The following MAP3K1 variants were observed in gnomAD, a reference collection of about 807,000 sequenced individuals.
MAP3K1 encodes MAP/ERK kinase kinase 1.
A neutral mutation model predicts 144.2 loss-of-function variants in MAP3K1; 36 were observed. The observed-to-expected ratio is 0.25, with a 90% CI of 0.19 to 0.33. MAP3K1 has a LOEUF of 0.33. Ranked by LOEUF, MAP3K1 falls within the 10% of genes least tolerant of loss-of-function variation. MAP3K1 has a pLI of 1.00. For missense variants in MAP3K1, 1,650 were observed against 1,881.9 expected, an observed-to-expected ratio of 0.88 and a Z score of 2.28; for synonymous variants, 718 against 688.7, an observed-to-expected ratio of 1.04 and a Z score of -0.67.
Position 56,883,523 on chromosome 5 carries a change from G to A in MAP3K1, c.3667-4G>A, listed in dbSNP as rs552563402. ...TAAAAAGATTGCTTTCGTTTAATATGTAGACACCAGAGACTCTACCAGGAC... is the reference window on the plus strand; with the variant it reads ...TAAAAAGATTGCTTTCGTTTAATATATAGACACCAGAGACTCTACCAGGAC... On this transcript the variant is annotated splice_polypyrimidine_tract_variant and splice_region_variant and intron_variant, in intron 14 of 19. Coordinates refer to ENST00000399503, the MANE Select transcript of MAP3K1 (RefSeq NM_005921.2). 6.8e-6 allele frequency: 11 copies of A among 1,613,732 alleles called. No individual in the cohort carries two copies. In the East Asian group the frequency reaches 1.6e-4, roughly 23 times the overall value.
intron 1 of MAP3K1, among the ~76,000 whole-genome samples, chr5:56,846,656 C>G (rs367808723): frequency 1.3e-5 from 2 of 152,178 alleles, no homozygotes; most frequent in African/African-American, 4.8e-5. Context: ...ATCTCCATGT[C>G]CCCCTCTCCG....
chr5:56,866,339 TC>T (rs1219497061), intron 6 of MAP3K1, among the ~76,000 whole-genome samples: 2 of 152,050 alleles, frequency 1.3e-5, no homozygotes, highest in African/African-American at 4.8e-5. Flanking sequence ...ACCCAGGAGT[TC>T]AAGTCTCCAG....
chr5:56,873,420 T>C (rs952200140), intron 9 of MAP3K1, among the ~76,000 whole-genome samples: 7 of 152,162 alleles, frequency 4.6e-5, no homozygotes, highest in Non-Finnish European at 8.8e-5. Flanking sequence ...ATACAATGGG[T>C]GCTTAATAAT....
At chr5:56,832,767 A>G (rs1346891722) in intron 1 of MAP3K1, among the ~76,000 whole-genome samples, 1 of 152,244 alleles carries the variant, frequency 6.6e-6, no homozygotes, top group Non-Finnish European at 1.5e-5. Context: ...CACATAGTGT[A>G]TTATGAAGTC....
At position 56,894,192 on chromosome 5, in the gene MAP3K1, A is replaced by G. The variant is rs1748634508; in HGVS notation, c.*512A>G. 1.2e-5 allele frequency: 3 copies of G among 243,494 alleles called. No homozygotes were observed. In the South Asian group the frequency reaches 4.4e-4, roughly 36 times the overall value. The allele number at this position is 243,494 out of a possible 1,614,324, so 15.1% of individuals were successfully genotyped here. On this transcript the variant is annotated 3_prime_UTR_variant, in exon 20 of 20. Coordinates refer to ENST00000399503, the MANE Select transcript of MAP3K1 (RefSeq NM_005921.2). ...CATACATATATTTTTAAAAGTTGAT[A>G]CTTCTTTATGACCCACAGTTGACCT...
chr5:56,846,173 A>G (rs1561175860), intron 1 of MAP3K1, among the ~76,000 whole-genome samples: 1 of 152,240 alleles, frequency 6.6e-6, no homozygotes. Context: ...ATGATGAATC[A>G]TACAGAATCA....
chr5:56,830,910 GGATT>G (rs929243700), intron 1 of MAP3K1, among the ~76,000 whole-genome samples: 87 of 149,406 alleles, frequency 5.8e-4, no homozygotes, highest in South Asian at 2.5e-3. Context: ...ACCTAGTCTA[GGATT>G]GATTTTTTTT....
chr5:56,837,762 A>C (rs906549903), intron 1 of MAP3K1, among the ~76,000 whole-genome samples: 1 of 152,202 alleles, frequency 6.6e-6, no homozygotes, highest in African/African-American at 2.4e-5. Flanking sequence ...TAAGCTTGAG[A>C]CCCATTTCCG....
At chr5:56,841,213 A>AAC (rs1288712322) in intron 1 of MAP3K1, among the ~76,000 whole-genome samples, 1 of 152,090 alleles carries the variant, frequency 6.6e-6, no homozygotes, top group South Asian at 2.1e-4. Flanking sequence ...AAAAAAAAAA[A>AAC]AAACTAGACA....
intron 1 of MAP3K1, among the ~76,000 whole-genome samples, chr5:56,851,651 T>C (rs1747177305): frequency 6.6e-6 from 1 of 152,240 alleles, no homozygotes; most frequent in African/African-American, 2.4e-5. Flanking sequence ...AGTAACACTA[T>C]TTGTGTGTTT....
At chr5:56,871,724 T>C (rs1210746037) in intron 6 of MAP3K1, among the ~76,000 whole-genome samples, 186 bp from the exon 7 acceptor site, 3 of 152,208 alleles carry the variant, frequency 2.0e-5, no homozygotes, top group African/African-American at 7.2e-5. Flanking sequence ...CTATAAATAC[T>C]CGTGTGTTAA....
At chr5:56,844,432 GC>G in intron 1 of MAP3K1, among the ~76,000 whole-genome samples, 1 of 152,120 alleles carries the variant, frequency 6.6e-6, no homozygotes, top group South Asian at 2.1e-4. Context: ...GCCCGCCTTG[GC>G]CTCCCAAAGT....
In MAP3K1 at chr5:56,882,162, T is replaced by A. The variant is rs745800039; in HGVS notation, c.2962T>A (p.Ser988Thr). ...LMFPALSTPS[S>T]STPSVPAGTA... ...GTTTCCAGCCTTGTCAACCCCTTCT[T>A]CTTCTACCCCATCTGTACCAGCTGG... Residue 988 changes from serine to threonine, a missense_variant, in exon 14 of 20, where the codon TCT (serine) becomes ACT (threonine). Transcript: ENST00000399503. 1 of 1,614,124 alleles carries A rather than the reference T, an allele frequency of 6.2e-7. No homozygotes were observed. Among genetic ancestry groups the A allele is most frequent in the Non-Finnish European group, 8.5e-7 (1 of 1,180,014 alleles).
At chr5:56,883,262 A>T (rs951143347) in intron 14 of MAP3K1, among the ~76,000 whole-genome samples, 2 of 152,236 alleles carry the variant, frequency 1.3e-5, no homozygotes, top group Non-Finnish European at 2.9e-5. Context: ...TCAGAAGCAG[A>T]GTTTTCCACA....
intron 1 of MAP3K1, among the ~76,000 whole-genome samples, chr5:56,835,160 T>C (rs1423210297): frequency 6.6e-6 from 1 of 152,156 alleles, no homozygotes; most frequent in Non-Finnish European, 1.5e-5. Flanking sequence ...CAGGATCACA[T>C]CCATACCTTA....
At chr5:56,890,980 A>C (rs188357890) in intron 19 of MAP3K1, among the ~76,000 whole-genome samples, 2 of 152,266 alleles carry the variant, frequency 1.3e-5, no homozygotes, top group East Asian at 1.9e-4. Context: ...CAGGAGGTCA[A>C]AGCTGCAGTG....
In MAP3K1 at chr5:56,873,154, C is replaced by T. The variant is rs903134269; in HGVS notation, c.1686+149C>T. On this transcript the variant is annotated intron_variant, in intron 9 of 19. Coordinates refer to ENST00000399503, the MANE Select transcript of MAP3K1 (RefSeq NM_005921.2). ...CATTCCACTGGAAATTTTAATGTTA[C>T]TTTTGGTATTAATACTATACTGCTT... is the stretch of plus-strand genomic sequence containing the variant. 3 of 748,168 alleles carry T rather than the reference C, an allele frequency of 4.0e-6. No individual in the cohort carries two copies. In the African/African-American group the frequency reaches 5.3e-5, roughly 13 times the overall value. 46.3% of individuals were successfully genotyped at this position (748,168 alleles called of 1,614,324 possible).
In MAP3K1 at chr5:56,883,582, C is replaced by G. The variant is rs750162936; in HGVS notation, c.3722C>G (p.Thr1241Ser). 1 of 1,614,102 alleles carries G rather than the reference C, an allele frequency of 6.2e-7. No homozygotes were observed. Among genetic ancestry groups the G allele is most frequent in the Non-Finnish European group, 8.5e-7 (1 of 1,179,976 alleles). Residue 1241 changes from threonine to serine, a missense_variant, in exon 15 of 20, where the codon ACT becomes AGT. Coordinates refer to ENST00000399503, the MANE Select transcript of MAP3K1 (RefSeq NM_005921.2). ...TKAKQPYREDTEWLKGQQIGL... is the reference protein window; with the variant it reads ...TKAKQPYREDSEWLKGQQIGL... ...GCAAAACAACCGTATAGAGAAGACA[C>G]TGAATGGCTGAAAGGTCAACAGATA... is the stretch of plus-strand genomic sequence containing the variant.
chr5:56,875,758 T>TTAAAGATTTTTTTAATGTCTTGC (rs1327018243), intron 10 of MAP3K1, among the ~76,000 whole-genome samples: 16 of 152,192 alleles, frequency 1.1e-4, no homozygotes, highest in Admixed American at 9.2e-4. Context: ...TTGCTAATTT[T>TTAAAGATTTTTTTAATGTCTTGC]TAAAGATTTT....
Sources: allele counts gnomAD v4.1 joint callset (sites outside exome capture counted in the v4.1 genomes callset), GRCh38; gene constraint gnomAD v4.1.1; transcripts MANE v1.5; gene names NCBI Gene and HGNC (gene_info 2026-07-23, HGNC 2026-07-21).